Variants in RGS3 observed in about 807,000 individuals in gnomAD.
RGS3 encodes regulator of G protein signaling 3, also known as regulator of G-protein signalling 3.
RGS3 carries 80 observed loss-of-function variants against 132.6 expected under a neutral mutation model. That is an observed-to-expected ratio of 0.60 (90% CI 0.50 to 0.73). The LOEUF (loss-of-function observed/expected upper bound fraction) is 0.73, where lower values mean the gene tolerates loss of function less well. RGS3 is among the 30% of genes least tolerant of loss of function. The pLI, the probability that RGS3 is intolerant of heterozygous loss-of-function variation, is 0.00. For synonymous variants in RGS3, 598 were observed against 620.6 expected, an observed-to-expected ratio of 0.96 and a Z score of 0.54; for missense variants, 1,382 against 1,530.8, an observed-to-expected ratio of 0.90 and a Z score of 1.62.
chr9:113,544,299 GT>G (rs572535036), intron 19 of RGS3, among the ~76,000 whole-genome samples: 13,706 of 133,328 alleles, frequency 0.1, 610 homozygotes, highest in African/African-American at 0.12. Context: ...CCATTTTCAT[GT>G]TTTTTTTTTT....
At chr9:113,516,082 A>G (rs1328190150) in intron 15 of RGS3, among the ~76,000 whole-genome samples, 1 of 152,190 alleles carries the variant, frequency 6.6e-6, no homozygotes, top group Non-Finnish European at 1.5e-5. Context: ...GGAAGATTCT[A>G]ATGGTTTATC....
rs1054350225 is a variant in RGS3 at position 113,593,638 on chromosome 9, G to A, written c.3081-792G>A. On this transcript the variant is annotated intron_variant, in intron 21 of 24. Coordinates refer to ENST00000350696, the Ensembl canonical transcript of RGS3. Reference sequence around the variant, plus strand: ...TGCAGGTGACTGAGGCTGAGAGGCCGGCTGGCAGGAGCCATTCTCTGGGAG... The same window carrying A: ...TGCAGGTGACTGAGGCTGAGAGGCCAGCTGGCAGGAGCCATTCTCTGGGAG... 6 of 431,058 alleles carry A rather than the reference G, an allele frequency of 1.4e-5. No individual in the cohort carries two copies. In the South Asian group the frequency reaches 1.4e-4, roughly 10 times the overall value. The allele number at this position is 431,058 out of a possible 1,614,324, so 26.7% of individuals were successfully genotyped here. A position where few individuals can be genotyped will look rare whatever the true frequency, so the allele number is the denominator to read the frequency against.
chr9:113,536,933 A>G lies in RGS3; in HGVS notation c.2037+15A>G. 6.2e-7 allele frequency: 1 copy of G among 1,611,882 alleles called. No homozygotes were observed. Among genetic ancestry groups the G allele is most frequent in the Non-Finnish European group, 8.5e-7 (1 of 1,178,442 alleles). The stretch of plus-strand genomic sequence containing the variant: ...CGGACAGCAAGGTAAGGGCCTTGAC[A>G]GTGGCTGTGGCCTGGCTGCCTCGTT... On this transcript the variant is annotated intron_variant, in intron 19 of 24. Coordinates refer to ENST00000350696, the Ensembl canonical transcript of RGS3.
chr9:113,596,724 T>C (rs769011550), intron 24 of RGS3, 44 bp from the exon 23 acceptor site: 27 of 1,542,126 alleles, frequency 1.8e-5, no homozygotes, highest in Non-Finnish European at 2.2e-5. Context: ...CTAGGGTCAG[T>C]CCCCAGCAGG....
intron 19 of RGS3, among the ~76,000 whole-genome samples, chr9:113,554,633 A>G (rs1480805231): frequency 4.6e-5 from 7 of 152,040 alleles, no homozygotes; most frequent in Non-Finnish European, 7.4e-5. Flanking sequence ...AGTCACCTAT[A>G]TTTCTGCTTT....
intron 6 of RGS3, among the ~76,000 whole-genome samples, chr9:113,485,152 A>G (rs991349181): frequency 3.9e-5 from 6 of 152,224 alleles, no homozygotes; most frequent in South Asian, 2.1e-4. Context: ...CAGTGGCACA[A>G]TCTCGGCTCA....
chr9:113,572,119 G>A (rs1834317118), intron 19 of RGS3, among the ~76,000 whole-genome samples: 1 of 152,152 alleles, frequency 6.6e-6, no homozygotes, highest in Non-Finnish European at 1.5e-5. Context: ...AGGGTAGAGT[G>A]TAGCAGACTG....
Position 113,521,869 on chromosome 9 carries a change from C to T in RGS3, c.1759-1061C>T, listed in dbSNP as rs533987274. Among the ~76,000 whole-genome samples, 3 of 152,220 alleles carry T rather than the reference C, an allele frequency of 2.0e-5. No individual in the cohort carries two copies. In the South Asian group the frequency reaches 6.2e-4, roughly 32 times the overall value. On this transcript the variant is annotated intron_variant, in intron 16 of 24. Coordinates refer to ENST00000350696, the Ensembl canonical transcript of RGS3. ...CACACACTCACGGTACCCTTCAGTG[C>T]ATGCCAAGCCCTTCTGGCTGGTTCT...
intron 19 of RGS3, among the ~76,000 whole-genome samples, chr9:113,553,667 G>A (rs939125193): frequency 1.3e-5 from 2 of 151,226 alleles, no homozygotes; most frequent in Non-Finnish European, 2.9e-5. Flanking sequence ...CATGGCGAAA[G>A]CCCATCTCTA....
chr9:113,521,183 G>A (rs1831938292), intron 16 of RGS3, among the ~76,000 whole-genome samples: 1 of 152,168 alleles, frequency 6.6e-6, no homozygotes, highest in South Asian at 2.1e-4. Context: ...TATAGCCCAG[G>A]GTTCTGGAGT....
At chr9:113,498,161 G>A in intron 10 of RGS3, 81 bp downstream of exon 8, 2 of 1,277,718 alleles carry the variant, frequency 1.6e-6, no homozygotes, top group African/African-American at 1.5e-5. Context: ...AACCCCTAAA[G>A]GGGCAGCATT....
At chr9:113,485,768 C>T (rs1830313222) in intron 7 of RGS3, 75 bp downstream of exon 5, 2 of 1,081,584 alleles carry the variant, frequency 1.8e-6, no homozygotes, top group Non-Finnish European at 2.8e-6. Flanking sequence ...CAGCATACAC[C>T]AGGGGTTCGA....
intron 21 of RGS3, 80 bp from the exon 20 acceptor site, chr9:113,594,350 C>A (rs751967401): frequency 6.3e-7 from 1 of 1,594,584 alleles, no homozygotes; most frequent in African/African-American, 1.3e-5. Context: ...TAGGTGCCCT[C>A]GACCCAGCTC....
intron 19 of RGS3, among the ~76,000 whole-genome samples, chr9:113,569,418 A>G (rs1834164337): frequency 6.6e-6 from 1 of 152,098 alleles, no homozygotes; most frequent in Non-Finnish European, 1.5e-5. Flanking sequence ...GGGAGGTGGC[A>G]TGGCTATGCC....
At chr9:113,541,205 C>T (rs1832887547) in intron 19 of RGS3, 6 of 1,090,190 alleles carry the variant, frequency 5.5e-6, no homozygotes, top group South Asian at 3.1e-5. Context: ...TAGAGACAGC[C>T]CTGGAGATGC....
chr9:113,588,384 GAGA>G, intron 20 of RGS3, among the ~76,000 whole-genome samples: 1 of 152,230 alleles, frequency 6.6e-6, no homozygotes, highest in East Asian at 1.9e-4. Context: ...GGCTGGATCG[GAGA>G]GGGCAGCCAT....
Position 113,594,949 on chromosome 9 carries a change from CGA to C in RGS3, c.3215_3216del (p.Glu1072ValfsTer22). The C allele has an allele frequency of 6.2e-7, 1 of 1,614,092 alleles. No homozygotes were observed. The highest frequency in any genetic ancestry group is 8.5e-7 in the Non-Finnish European group (1 of 1,179,950). ...CCTCAGAGGAAGCCCTCAAGTGGGG[CGA>C]GTCCTTGGAGAAGCTGCTGGTTCAC... On this transcript the variant is annotated frameshift_variant, in exon 23 of 25. Transcript: ENST00000350696. LOFTEE classifies it high-confidence loss of function.
At chr9:113,514,751 C>T (rs895133955) in intron 15 of RGS3, 97 bp downstream of exon 13, 2 of 1,187,622 alleles carry the variant, frequency 1.7e-6, no homozygotes, top group African/African-American at 3.1e-5. Context: ...TATCCCAGGA[C>T]TGAGGGCCCT....
chr9:113,527,821 C>G (rs949560837), intron 17 of RGS3, among the ~76,000 whole-genome samples: 15 of 152,138 alleles, frequency 9.9e-5, no homozygotes, highest in African/African-American at 3.6e-4. Context: ...CTGTCTTTGA[C>G]AATTTCTTTA....
Sources: allele counts gnomAD v4.1 joint callset (sites outside exome capture counted in the v4.1 genomes callset), GRCh38; gene constraint gnomAD v4.1.1; transcripts MANE v1.5; gene names NCBI Gene and HGNC (gene_info 2026-07-23, HGNC 2026-07-21).